ZNF385D: variants seen among roughly 807,000 people sequenced by gnomAD.
ZNF385D encodes the protein zinc finger protein 385D.
ZNF385D carries 15 observed loss-of-function variants against 35.8 expected under a neutral mutation model. The observed-to-expected ratio is 0.42, with a 90% confidence interval of 0.28 to 0.64. The LOEUF is 0.64. ZNF385D is among the 30% of genes least tolerant of loss of function. The pLI is 0.23. For missense variants in ZNF385D, 474 were observed against 494.6 expected (o/e 0.96, Z 0.39); for synonymous variants, 212 against 186.8 (o/e 1.13, Z -1.10).
At chr3:22,286,313 C>T (rs1226722137) in intron 2 of ZNF385D, among the ~76,000 whole-genome samples, 1 of 152,066 alleles carries the variant, frequency 6.6e-6, no homozygotes, top group Non-Finnish European at 1.5e-5. Context: ...GTCTATGTAA[C>T]AGTCTATTAA....
intron 3 of ZNF385D, among the ~76,000 whole-genome samples, chr3:21,969,835 TCAGCTCCAGA>T (rs1054696904): frequency 1.1e-4 from 16 of 152,236 alleles, no homozygotes; most frequent in African/African-American, 3.9e-4. Flanking sequence ...TCACCCTATC[TCAGCTCCAGA>T]CAGCTCAGAA....
At chr3:22,160,859 A>G (rs1162471329) in intron 3 of ZNF385D, among the ~76,000 whole-genome samples, 1 of 152,126 alleles carries the variant, frequency 6.6e-6, no homozygotes, top group Non-Finnish European at 1.5e-5. Context: ...TTGTTACTCA[A>G]TCCTTCAACA....
chr3:22,321,397 C>T (rs1449843916), intron 2 of ZNF385D, among the ~76,000 whole-genome samples: 1 of 151,980 alleles, frequency 6.6e-6, no homozygotes, highest in African/African-American at 2.4e-5. Context: ...TGGAGTTTCA[C>T]TCTTGTTGCC....
intron 3 of ZNF385D, among the ~76,000 whole-genome samples, chr3:21,788,602 T>C (rs9820739): frequency 6.6e-6 from 1 of 152,110 alleles, no homozygotes; most frequent in African/African-American, 2.4e-5. Flanking sequence ...TGTTAGGCCA[T>C]CAGTAAGAAA....
chr3:22,326,533 G>A (rs1335263034), intron 2 of ZNF385D, among the ~76,000 whole-genome samples: 1 of 152,130 alleles, frequency 6.6e-6, no homozygotes, highest in East Asian at 1.9e-4. Flanking sequence ...ACAGGAGGCA[G>A]TATAAACATT....
In ZNF385D at chr3:21,628,525, G is replaced by A. The variant is rs185457037; in HGVS notation, c.165+36361C>T. On this transcript the variant is annotated intron_variant, in intron 2 of 7. Transcript: ENST00000281523. ...TCTAGATTTTAAAAAAATCTATAAG[G>A]TAAGAAAAAAAAGGTAGTCGCTTAA... Among the ~76,000 whole-genome samples, 865 of 151,994 alleles carry A rather than the reference G, an allele frequency of 5.7e-3. 7 individuals carry two copies. The highest frequency in any genetic ancestry group is 7.3e-3 in the Non-Finnish European group (496 of 67,972).
At chr3:22,287,314 A>G (rs1405112141) in intron 2 of ZNF385D, among the ~76,000 whole-genome samples, 1 of 151,864 alleles carries the variant, frequency 6.6e-6, no homozygotes, top group Non-Finnish European at 1.5e-5. Flanking sequence ...TTGATTTTTT[A>G]TTCATTAACT....
intron 2 of ZNF385D, among the ~76,000 whole-genome samples, chr3:22,326,769 T>C (rs1480427753): frequency 1.3e-5 from 2 of 152,330 alleles, no homozygotes; most frequent in Admixed American, 1.3e-4. Context: ...TTGATAATTT[T>C]CCCAGACTAA....
At chr3:21,424,325 T>TATATA (rs1398095306) in intron 6 of ZNF385D, among the ~76,000 whole-genome samples, 1 of 50,646 alleles carries the variant, frequency 2.0e-5, no homozygotes, top group Non-Finnish European at 4.5e-5. Flanking sequence ...ATATTTTTTT[T>TATATA]TTTTTTTGAG....
intron 2 of ZNF385D, among the ~76,000 whole-genome samples, chr3:22,217,591 AACAGAGGTAAATTACACTT>A (rs1255550828): frequency 6.6e-6 from 1 of 152,198 alleles, no homozygotes. Flanking sequence ...TTGAATCTGT[AACAGAGGTAAATTACACTT>A]ATTTGTAGAT....
intron 3 of ZNF385D, among the ~76,000 whole-genome samples, chr3:21,999,154 C>G (rs1436205428): frequency 6.6e-6 from 1 of 152,126 alleles, no homozygotes; most frequent in African/African-American, 2.4e-5. Flanking sequence ...TGCAGCATTT[C>G]CTCTGAGGTT....
intron 1 of ZNF385D, among the ~76,000 whole-genome samples, chr3:21,748,360 T>G (rs898780366): frequency 7.4e-6 from 1 of 135,528 alleles, no homozygotes; most frequent in Admixed American, 9.3e-5. Context: ...GAAGGAGGAA[T>G]GAATTGAAGC....
intron 5 of ZNF385D, among the ~76,000 whole-genome samples, chr3:21,427,758 CA>C (rs1701086956): frequency 1.3e-5 from 2 of 152,056 alleles, no homozygotes; most frequent in Admixed American, 6.6e-5. Flanking sequence ...TAGAAATACC[CA>C]TCTTTTCAGA....
chr3:21,971,490 T>G (rs2125341725), intron 3 of ZNF385D, among the ~76,000 whole-genome samples: 1 of 150,402 alleles, frequency 6.6e-6, no homozygotes, highest in South Asian at 2.1e-4. Context: ...TACACAAAAA[T>G]AAAAAGTAAA....
intron 3 of ZNF385D, among the ~76,000 whole-genome samples, chr3:21,995,252 G>C (rs1497928): frequency 0.12 from 18,574 of 152,252 alleles, 1,342 homozygotes; most frequent in Non-Finnish European, 0.16. Context: ...TGTCAGGGTG[G>C]CCAAGAAGGC....
intron 1 of ZNF385D, among the ~76,000 whole-genome samples, chr3:21,731,218 T>C (rs2068981646): frequency 6.6e-6 from 1 of 152,226 alleles, no homozygotes; most frequent in Non-Finnish European, 1.5e-5. Context: ...TACCAATCCA[T>C]TAAGTGAAGG....
chr3:21,685,944 A>T (rs2067088740), intron 1 of ZNF385D, among the ~76,000 whole-genome samples: 1 of 152,146 alleles, frequency 6.6e-6, no homozygotes, highest in Non-Finnish European at 1.5e-5. Context: ...GAATGGGTGA[A>T]CCGGGAAAGA....
intron 3 of ZNF385D, among the ~76,000 whole-genome samples, chr3:21,551,754 G>GA (rs2062575043): frequency 6.6e-6 from 1 of 151,684 alleles, no homozygotes; most frequent in South Asian, 2.1e-4. Context: ...GATTTGTCAG[G>GA]AAAAAACCTA....
At chr3:21,587,117 A>T (rs2063835030) in intron 2 of ZNF385D, among the ~76,000 whole-genome samples, 2 of 152,186 alleles carry the variant, frequency 1.3e-5, no homozygotes, top group South Asian at 4.1e-4. Flanking sequence ...GGCAAGATAG[A>T]TTGGGACACG....
Sources: gnomAD v4.1 joint callset for allele counts (sites outside exome capture counted in the v4.1 genomes callset) on GRCh38, gnomAD v4.1.1 for gene constraint, MANE v1.5 for transcripts, NCBI Gene and HGNC (gene_info 2026-07-23, HGNC 2026-07-21) for gene names.